Variants in PTBP3 observed in about 807,000 individuals in gnomAD.
The protein encoded by PTBP3 is polypyrimidine tract-binding protein 3.
A neutral mutation model predicts 58.7 loss-of-function variants in PTBP3; 20 were observed. That is an observed-to-expected ratio of 0.34 (90% confidence interval 0.24 to 0.50). The LOEUF (loss-of-function observed/expected upper bound fraction) is 0.50. PTBP3 is among the 20% of genes least tolerant of loss of function. The pLI is 0.98. For synonymous variants in PTBP3, 185 were observed against 219.8 expected (o/e 0.84, Z 1.40); for missense variants, 509 against 637.2 (o/e 0.80, Z 2.17).
chr9:112,224,081 T>G, intron 13 of PTBP3, 52 bp downstream of exon 13: 1 of 1,550,236 alleles, frequency 6.5e-7, no homozygotes, highest in Non-Finnish European at 8.8e-7. Context: ...CCTTTAAAAT[T>G]TGCATACCAT....
intron 2 of PTBP3, among the ~76,000 whole-genome samples, chr9:112,289,216 A>G (rs1363988061): frequency 4.6e-5 from 7 of 152,144 alleles, no homozygotes; most frequent in Non-Finnish European, 8.8e-5. Context: ...ACGAGCTCCA[A>G]TAACCTCCAG....
At chr9:112,283,177 T>C (rs1406585521) in intron 2 of PTBP3, among the ~76,000 whole-genome samples, 1 of 152,164 alleles carries the variant, frequency 6.6e-6, no homozygotes, top group African/African-American at 2.4e-5. Flanking sequence ...ATACAGTAAA[T>C]TGGTACTGGT....
At chr9:112,228,267 C>A in intron 11 of PTBP3, 113 bp downstream of exon 11, 1 of 660,244 alleles carries the variant, frequency 1.5e-6, no homozygotes, top group Non-Finnish European at 2.5e-6. Flanking sequence ...GGCATTATCA[C>A]AAGGAGGTGT....
chr9:112,318,297 ATAAG>A lies in PTBP3; in HGVS notation c.-52+15169_-52+15172del, dbSNP rs533096831. On this transcript the variant is annotated intron_variant, in intron 1 of 13. Coordinates refer to ENST00000374257, the MANE Select transcript of PTBP3 (RefSeq NM_001163788.4). ...TAAGAAATTTACCCAAAAAAAGGTA[ATAAG>A]TAAGTTTTTATAGCAATATCACAAA... Among the ~76,000 whole-genome samples, 51 of 152,348 alleles carry A rather than the reference ATAAG, an allele frequency of 3.3e-4. 1 individual carries two copies. In the South Asian group the frequency reaches 4.1e-3, roughly 12 times the overall value.
At chr9:112,284,561 T>C (rs998743625) in intron 2 of PTBP3, among the ~76,000 whole-genome samples, 1 of 152,020 alleles carries the variant, frequency 6.6e-6, no homozygotes, top group Non-Finnish European at 1.5e-5. Flanking sequence ...CCAAGCATGG[T>C]GATGTGCACC....
At chr9:112,319,646 C>T (rs76856800) in intron 1 of PTBP3, among the ~76,000 whole-genome samples, 5,648 of 152,212 alleles carry the variant, frequency 0.037, 139 homozygotes, top group Non-Finnish European at 0.058. Context: ...AATACAACTA[C>T]CATATGATCC....
chr9:112,321,674 T>C (rs1474123868), intron 1 of PTBP3, among the ~76,000 whole-genome samples: 1 of 152,156 alleles, frequency 6.6e-6, no homozygotes, highest in Non-Finnish European at 1.5e-5. Context: ...AATCGAGGTA[T>C]CCTTGTCTGG....
At chr9:112,292,857 A>G (rs1828501955) in intron 2 of PTBP3, among the ~76,000 whole-genome samples, 1 of 152,206 alleles carries the variant, frequency 6.6e-6, no homozygotes, top group Non-Finnish European at 1.5e-5. Flanking sequence ...TCCTATAGTT[A>G]ACATTACTAC....
At chr9:112,298,029 A>G in intron 1 of PTBP3, 113 bp from the exon 2 acceptor site, 1 of 803,928 alleles carries the variant, frequency 1.2e-6, no homozygotes, top group Middle Eastern at 3.3e-4. Context: ...GAAGACATTA[A>G]AGGGGGAACT....
intron 1 of PTBP3, among the ~76,000 whole-genome samples, chr9:112,320,291 A>AATATATATATATATATATATATATAT (rs1288195199): frequency 1.4e-5 from 1 of 73,568 alleles, no homozygotes; most frequent in African/African-American, 9.0e-5. Context: ...AAAAAAAAAA[A>AATATATATATATATATATATATATAT]ATATATATAT....
the PTBP3 span, among the ~76,000 whole-genome samples, chr9:112,341,583 A>T: frequency 6.6e-6 from 1 of 152,034 alleles, no homozygotes; most frequent in Non-Finnish European, 1.5e-5. Flanking sequence ...GAATAGTGTG[A>T]GTTGAGGGCT....
intron 7 of PTBP3, among the ~76,000 whole-genome samples, chr9:112,237,095 T>C (rs1041626862): frequency 6.6e-6 from 1 of 152,102 alleles, no homozygotes; most frequent in Non-Finnish European, 1.5e-5. Context: ...GAGATAACTA[T>C]CATAGAACAT....
chr9:112,257,289 G>A (rs987479854), intron 5 of PTBP3, among the ~76,000 whole-genome samples: 52 of 152,180 alleles, frequency 3.4e-4, no homozygotes, highest in African/African-American at 1.3e-3. Flanking sequence ...CAACATCAGG[G>A]AATCTAGGAA....
At chr9:112,268,631 A>G (rs886180339) in intron 3 of PTBP3, among the ~76,000 whole-genome samples, 7 of 150,784 alleles carry the variant, frequency 4.6e-5, no homozygotes, top group African/African-American at 1.7e-4. Flanking sequence ...AGGACTGCTC[A>G]AGCCTGGGAG....
chr9:112,292,170 A>T (rs1175531317), intron 2 of PTBP3, among the ~76,000 whole-genome samples: 1 of 152,252 alleles, frequency 6.6e-6, no homozygotes, highest in South Asian at 2.1e-4. Context: ...CAACAAGCAC[A>T]AGAAAAGATA....
chr9:112,327,796 G>C (rs1297127416), intron 1 of PTBP3, among the ~76,000 whole-genome samples: 3 of 113,534 alleles, frequency 2.6e-5, no homozygotes, highest in African/African-American at 1.3e-4. Flanking sequence ...ATGACTAATA[G>C]AGGAAAAAAA....
intron 10 of PTBP3, among the ~76,000 whole-genome samples, chr9:112,230,817 G>A (rs1384756890): frequency 2.0e-5 from 3 of 152,122 alleles, no homozygotes; most frequent in Non-Finnish European, 4.4e-5. Context: ...TTTCTATGCT[G>A]TTCGAAAGTT....
chr9:112,372,386 A>G, the PTBP3 span, among the ~76,000 whole-genome samples: 3 of 152,138 alleles, frequency 2.0e-5, no homozygotes, highest in Non-Finnish European at 2.9e-5. Flanking sequence ...GTTTTCCATA[A>G]ATTTTTTTGT....
At chr9:112,373,057 C>T in the PTBP3 span, among the ~76,000 whole-genome samples, 3 of 151,902 alleles carry the variant, frequency 2.0e-5, no homozygotes, top group African/African-American at 7.3e-5. Context: ...CCATGCCCGG[C>T]TAATTTTTTT....
Sources: gnomAD v4.1 joint callset for allele counts (sites outside exome capture counted in the v4.1 genomes callset) on GRCh38, gnomAD v4.1.1 for gene constraint, MANE v1.5 for transcripts, NCBI Gene and HGNC (gene_info 2026-07-23, HGNC 2026-07-21) for gene names.